The following SLC9D1 variants were observed in gnomAD, a reference collection of about 807,000 sequenced individuals.
SLC9D1 encodes putative LAG1-interacting protein.
the SLC9D1 span, chr13:113,498,728 C>T: frequency 2.3e-6 from 1 of 431,690 alleles, no homozygotes; most frequent in Non-Finnish European, 4.0e-6. Flanking sequence ...TTAACACCGA[C>T]AGTCAGTTCC....
chr13:113,496,163 TGCTGCTGATGTC>T, the SLC9D1 span: 1 of 637,556 alleles, frequency 1.6e-6, no homozygotes, highest in Non-Finnish European at 2.7e-6. Flanking sequence ...AAGGCGTGAA[TGCTGCTGATGTC>T]GCTCAGGTGT....
At chr13:113,538,570 G>C in the SLC9D1 span, among the ~76,000 whole-genome samples, 60,494 of 152,216 alleles carry the variant, frequency 0.4, 13,989 homozygotes, top group African/African-American at 0.64. Context: ...GCTGTCATCT[G>C]AGTCTTCCGT....
the SLC9D1 span, among the ~76,000 whole-genome samples, chr13:113,494,252 C>T: frequency 2.6e-5 from 4 of 152,110 alleles, no homozygotes; most frequent in African/African-American, 9.7e-5. Flanking sequence ...GGTTTTGTTG[C>T]CTTTTTTGGG....
At chr13:113,507,598 ACT>A in the SLC9D1 span, among the ~76,000 whole-genome samples, 1 of 152,050 alleles carries the variant, frequency 6.6e-6, no homozygotes, top group African/African-American at 2.4e-5. Context: ...AAAGCTGCCC[ACT>A]CTGTTCTCGC....
At chr13:113,537,623 T>A in the SLC9D1 span, among the ~76,000 whole-genome samples, 8 of 152,392 alleles carry the variant, frequency 5.2e-5, no homozygotes, top group East Asian at 1.5e-3. Context: ...CGCTTATGAA[T>A]TGTTTTCTTC....
chr13:113,548,313 C>T, the SLC9D1 span: 14 of 1,613,976 alleles, frequency 8.7e-6, no homozygotes, highest in African/African-American at 4.0e-5. Flanking sequence ...TTTCTCCTGG[C>T]GGCGCTGGTC....
At chr13:113,524,735 G>T in the SLC9D1 span, among the ~76,000 whole-genome samples, 1 of 151,812 alleles carries the variant, frequency 6.6e-6, no homozygotes, top group African/African-American at 2.4e-5. Flanking sequence ...CTGCAATGGT[G>T]TATCCTTTTC....
chr13:113,544,087 G>T, the SLC9D1 span, among the ~76,000 whole-genome samples: 1 of 152,228 alleles, frequency 6.6e-6, no homozygotes, highest in Non-Finnish European at 1.5e-5. Context: ...GCAGAAACCC[G>T]GGTGGAGCTC....
chr13:113,509,305 C>A, the SLC9D1 span, among the ~76,000 whole-genome samples: 8 of 95,130 alleles, frequency 8.4e-5, no homozygotes, highest in African/African-American at 1.2e-4. Flanking sequence ...CTGGAGCTTC[C>A]TGTGTTAGGA....
At chr13:113,496,252 A>G in the SLC9D1 span, among the ~76,000 whole-genome samples, 1 of 152,210 alleles carries the variant, frequency 6.6e-6, no homozygotes, top group Non-Finnish European at 1.5e-5. Flanking sequence ...CCTTTTGCAT[A>G]ATAGTGTAGC....
chr13:113,541,177 G>C, the SLC9D1 span, among the ~76,000 whole-genome samples: 41 of 152,322 alleles, frequency 2.7e-4, no homozygotes, highest in East Asian at 7.9e-3. Context: ...TCTTGGAGTT[G>C]CTTTGGCTGT....
chr13:113,536,104 G>A, the SLC9D1 span, among the ~76,000 whole-genome samples: 3 of 152,330 alleles, frequency 2.0e-5, no homozygotes, highest in South Asian at 6.2e-4. Context: ...CCGGCTGGGC[G>A]CGGTGGCTCA....
the SLC9D1 span, chr13:113,548,602 C>G: frequency 1.2e-6 from 1 of 805,042 alleles, no homozygotes; most frequent in Non-Finnish European, 1.9e-6. Flanking sequence ...TGGCTGCTCT[C>G]TGCTCATCCA....
chr13:113,500,015 A>G, the SLC9D1 span: 13 of 1,590,942 alleles, frequency 8.2e-6, no homozygotes, highest in Non-Finnish European at 1.1e-5. Flanking sequence ...GGCCAATTCT[A>G]AGCAAAATAT....
At chr13:113,493,362 A>G in the SLC9D1 span, among the ~76,000 whole-genome samples, 1 of 152,272 alleles carries the variant, frequency 6.6e-6, no homozygotes, top group Non-Finnish European at 1.5e-5. Context: ...TAAGCAAAGC[A>G]TCTCAGATTT....
chr13:113,499,373 C>T, the SLC9D1 span, among the ~76,000 whole-genome samples: 2 of 152,112 alleles, frequency 1.3e-5, no homozygotes, highest in African/African-American at 2.4e-5. Context: ...AATGCCTGTC[C>T]CGGACATGCA....
At chr13:113,497,440 GTGAGACCTGCAGCTGTA>G in the SLC9D1 span, among the ~76,000 whole-genome samples, 27 of 149,506 alleles carry the variant, frequency 1.8e-4, no homozygotes, top group Non-Finnish European at 1.3e-4. Flanking sequence ...CCAGCTGTGT[GTGAGACCTGCAGCTGTA>G]TGAGACCTGC....
At chr13:113,518,136 A>G in the SLC9D1 span, among the ~76,000 whole-genome samples, 9 of 152,246 alleles carry the variant, frequency 5.9e-5, no homozygotes, top group African/African-American at 2.2e-4. Flanking sequence ...AAAGATGACA[A>G]TAGTGAAAGT....
chr13:113,497,245 C>T, the SLC9D1 span, among the ~76,000 whole-genome samples: 4 of 151,568 alleles, frequency 2.6e-5, no homozygotes, highest in Non-Finnish European at 5.9e-5. Context: ...TGCAGCTGTG[C>T]ATGAGACCTG....
Sources: gnomAD v4.1 joint callset for allele counts (sites outside exome capture counted in the v4.1 genomes callset) on GRCh38, gnomAD v4.1.1 for gene constraint, MANE v1.5 for transcripts, NCBI Gene and HGNC (gene_info 2026-07-23, HGNC 2026-07-21) for gene names.